FDFT1: variants seen among roughly 807,000 people sequenced by gnomAD.
FDFT1 encodes squalene synthase.
FDFT1 carries 68 observed loss-of-function variants against 46.8 expected under a neutral mutation model. The observed-to-expected ratio is 1.45, with a 90% confidence interval of 1.19 to 1.78. FDFT1 has a LOEUF of 1.78. Ranked by LOEUF, FDFT1 falls within the 40% of genes most tolerant of loss-of-function variation. The probability of loss-of-function intolerance (pLI) is 0.00; values close to 1 mark genes in which losing one functional copy is unlikely to be tolerated. For synonymous variants in FDFT1, 351 were observed against 185.1 expected (o/e 1.90, Z -7.28); for missense variants, 928 against 524.4 (o/e 1.77, Z -7.52).
At chr8:11,803,000 G>C (rs898671940) in intron 1 of FDFT1, 69 bp downstream of exon 1, 1 of 1,535,668 alleles carries the variant, frequency 6.5e-7, no homozygotes, top group South Asian at 1.2e-5. Context: ...GGGCCTGAGC[G>C]GCCGGGCCCG....
At chr8:11,810,925 G>A (rs1807624867) in intron 3 of FDFT1, among the ~76,000 whole-genome samples, 3 of 101,514 alleles carry the variant, frequency 3.0e-5, no homozygotes, top group South Asian at 7.3e-4. Context: ...CATAATGGGA[G>A]CAATATTTAA....
chr8:11,838,519 G>C lies in FDFT1; in HGVS notation c.1164G>C (p.Ser388=), dbSNP rs745911401. Residue 388 remains serine (S), a synonymous_variant, in exon 8 of 8, where the codon TCG becomes TCC. Coordinates refer to ENST00000220584, the MANE Select transcript of FDFT1 (RefSeq NM_004462.5). The part of the protein sequence containing the change: ...SRSHYSPIYL[S]FVMLLAALSW... The stretch of plus-strand genomic sequence containing the variant: ...GCCACTACTCCCCCATCTACCTGTC[G>C]TTTGTCATGCTTTTGGCTGCCCTGA... The C allele has an allele frequency of 6.2e-7, 1 of 1,609,048 alleles. No individual in the cohort carries two copies. Among genetic ancestry groups the C allele is most frequent in the Non-Finnish European group, 8.5e-7 (1 of 1,177,240 alleles).
At chr8:11,806,484 G>A (rs1024253604) in intron 1 of FDFT1, among the ~76,000 whole-genome samples, 1 of 152,196 alleles carries the variant, frequency 6.6e-6, no homozygotes, top group Non-Finnish European at 1.5e-5. Context: ...ACGAGCTGGA[G>A]GAGTAAGTGG....
At chr8:11,799,158 A>G (rs552660723), upstream of FDFT1, among the ~76,000 whole-genome samples, 1 of 152,360 alleles carries the variant, frequency 6.6e-6, no homozygotes. Flanking sequence ...CCTATAGGTC[A>G]AAAGGTCTTT....
At position 11,830,329 on chromosome 8, in the gene FDFT1, T is replaced by G. The variant is rs777100951; in HGVS notation, c.788T>G (p.Ile263Arg). The part of the protein sequence containing the change: ...DLAVQCLNEL[I>R]TNALHHIPDV... ...GCCGTGCAGTGCCTGAATGAACTTATAACCAATGCACTGCACCACATCCCA... is the reference window on the plus strand; with the variant it reads ...GCCGTGCAGTGCCTGAATGAACTTAGAACCAATGCACTGCACCACATCCCA... The change falls in exon 6 of 8, where the codon ATA becomes AGA. Residue 263 changes from isoleucine to arginine, a missense_variant. Coordinates refer to ENST00000220584, the MANE Select transcript of FDFT1 (RefSeq NM_004462.5). 1 of 1,613,908 alleles carries G rather than the reference T, an allele frequency of 6.2e-7. No individual in the cohort carries two copies.
chr8:11,804,453 T>C (rs1806547906), intron 1 of FDFT1, among the ~76,000 whole-genome samples: 1 of 152,154 alleles, frequency 6.6e-6, no homozygotes, highest in Non-Finnish European at 1.5e-5. Flanking sequence ...GCTCTGATAA[T>C]ATGGTGCAGT....
intron 3 of FDFT1, among the ~76,000 whole-genome samples, chr8:11,815,751 T>C (rs190221462): frequency 4.0e-4 from 61 of 152,350 alleles, no homozygotes; most frequent in African/African-American, 1.4e-3. Flanking sequence ...TTAAGTTCTT[T>C]GTAGATTCTG....
chr8:11,838,282 A>G lies in FDFT1; in HGVS notation c.1033-106A>G, dbSNP rs185046623. On this transcript the variant is annotated intron_variant, in intron 7 of 7. Coordinates refer to ENST00000220584, the MANE Select transcript of FDFT1 (RefSeq NM_004462.5). ...ATGTTCTCTGAGCCTCCCTTTCCTC[A>G]TTGGTAAAATGGGTATAAAATACCT... The G allele has an allele frequency of 1.8e-4, 154 of 838,028 alleles. No individual in the cohort carries two copies. In the East Asian group the frequency reaches 3.6e-3, roughly 20 times the overall value. The allele number at this position is 838,028 out of a possible 1,614,324, so 51.9% of individuals were successfully genotyped here.
intron 4 of FDFT1, among the ~76,000 whole-genome samples, chr8:11,822,810 C>T (rs1809446258): frequency 6.6e-6 from 1 of 152,044 alleles, no homozygotes; most frequent in Admixed American, 6.5e-5. Context: ...AGCAAGACAC[C>T]ATCTGAAAGA....
chr8:11,819,161 T>G (rs1357675325), intron 3 of FDFT1, among the ~76,000 whole-genome samples: 1 of 152,154 alleles, frequency 6.6e-6, no homozygotes, highest in Non-Finnish European at 1.5e-5. Context: ...TCTTTAAGAA[T>G]GCTGAATATT....
intron 4 of FDFT1, among the ~76,000 whole-genome samples, chr8:11,824,508 C>T (rs1400412534): frequency 6.6e-6 from 1 of 152,182 alleles, no homozygotes; most frequent in African/African-American, 2.4e-5. Context: ...ACGGCAGCCC[C>T]TTGAACCTTC....
At chr8:11,804,155 GAC>G (rs1357293525) in intron 1 of FDFT1, among the ~76,000 whole-genome samples, 1 of 152,198 alleles carries the variant, frequency 6.6e-6, no homozygotes, top group African/African-American at 2.4e-5. Context: ...GTGGAAGAGA[GAC>G]AATTTAAGAA....
At chr8:11,835,166 T>G (rs762497725) in intron 7 of FDFT1, among the ~76,000 whole-genome samples, 3 of 152,218 alleles carry the variant, frequency 2.0e-5, no homozygotes, top group Non-Finnish European at 4.4e-5. Context: ...GCCGGGCATG[T>G]AGATGAAAAG....
At chr8:11,831,026 C>T (rs1246263151) in intron 6 of FDFT1, among the ~76,000 whole-genome samples, 1 of 152,164 alleles carries the variant, frequency 6.6e-6, no homozygotes, top group African/African-American at 2.4e-5. Flanking sequence ...CTTATGTTTC[C>T]ATTTACCTAG....
At chr8:11,799,428 T>C (rs555054593), upstream of FDFT1, among the ~76,000 whole-genome samples, 9 of 152,336 alleles carry the variant, frequency 5.9e-5, no homozygotes, top group African/African-American at 1.7e-4. Flanking sequence ...AGTTGATTCT[T>C]CAAGTGTAGG....
intron 1 of FDFT1, chr8:11,808,299 T>A (rs1028056772): frequency 1.6e-6 from 2 of 1,225,628 alleles, no homozygotes; most frequent in Non-Finnish European, 2.0e-6. Context: ...TGGGTTCCCT[T>A]AGCGGCCAGT....
chr8:11,816,264 A>T (rs1808432789), intron 3 of FDFT1, among the ~76,000 whole-genome samples: 1 of 152,172 alleles, frequency 6.6e-6, no homozygotes, highest in Non-Finnish European at 1.5e-5. Flanking sequence ...TGTTTTGGTT[A>T]CTGTAGCCTT....
intron 2 of FDFT1, chr8:11,809,284 T>A: frequency 9.1e-7 from 1 of 1,096,630 alleles, no homozygotes; most frequent in Non-Finnish European, 1.1e-6. Context: ...CTTAGACCAG[T>A]TGCCTTTATG....
At chr8:11,817,734 C>T (rs1418242177) in intron 3 of FDFT1, among the ~76,000 whole-genome samples, 25 of 151,942 alleles carry the variant, frequency 1.6e-4, no homozygotes, top group Admixed American at 1.6e-3. Flanking sequence ...TTTTTTATTA[C>T]GTCTTTTTGA....
Sources: gnomAD v4.1 joint callset for allele counts (sites outside exome capture counted in the v4.1 genomes callset) on GRCh38, gnomAD v4.1.1 for gene constraint, MANE v1.5 for transcripts, NCBI Gene and HGNC (gene_info 2026-07-23, HGNC 2026-07-21) for gene names.